The following PALM2AKAP2 variants were observed in gnomAD, a reference collection of about 807,000 sequenced individuals.
The protein encoded by PALM2AKAP2 is PALM2 and AKAP2 fusion, also known as PALM2-AKAP2 fusion protein.
PALM2AKAP2 carries 37 observed loss-of-function variants against 71.5 expected under a neutral mutation model. The observed-to-expected ratio is 0.52, with a 90% CI of 0.40 to 0.68. The LOEUF (loss-of-function observed/expected upper bound fraction) is 0.68, where lower values mean the gene tolerates loss of function less well. Ranked by LOEUF, PALM2AKAP2 falls within the 30% of genes least tolerant of loss-of-function variation. The probability of loss-of-function intolerance (pLI) is 0.00; values close to 1 mark genes in which losing one functional copy is unlikely to be tolerated. For missense variants in PALM2AKAP2, 1,224 were observed against 1,191.8 expected (o/e 1.03, Z -0.40); for synonymous variants, 468 against 478.8 (o/e 0.98, Z 0.29).
chr9:109,835,354 G>A (rs1828439718), intron 1 of PALM2AKAP2, among the ~76,000 whole-genome samples: 1 of 149,922 alleles, frequency 6.7e-6, no homozygotes, highest in South Asian at 2.2e-4. Flanking sequence ...AGGAAAGGGT[G>A]GAGGGATAGA....
chr9:109,951,074 G>T (rs1342835039), intron 6 of PALM2AKAP2, among the ~76,000 whole-genome samples: 1 of 152,224 alleles, frequency 6.6e-6, no homozygotes, highest in Non-Finnish European at 1.5e-5. Context: ...ATTCTTTCCT[G>T]CTCTCAAGCT....
upstream of PALM2AKAP2, among the ~76,000 whole-genome samples, chr9:110,046,955 T>C (rs1833610415): frequency 6.6e-6 from 1 of 152,172 alleles, no homozygotes; most frequent in Non-Finnish European, 1.5e-5. Context: ...ATAAGTGATA[T>C]CCAAGCACAC....
chr9:109,670,706 C>T lies in PALM2AKAP2; in HGVS notation c.5+29840C>T, dbSNP rs181917430. Among the ~76,000 whole-genome samples, 29 of 152,248 alleles carry T rather than the reference C, an allele frequency of 1.9e-4. No individual in the cohort carries two copies. In the East Asian group the frequency reaches 3.7e-3, roughly 19 times the overall value. On this transcript the variant is annotated intron_variant, in intron 1 of 6. Coordinates refer to the PALM2AKAP2 transcript ENST00000374531. ...TGAGGAATTGCCACACTGTCTTCCA[C>T]GATGGTTGAACTAATTTACACTTCC... is the stretch of plus-strand genomic sequence containing the variant.
At chr9:110,109,739 C>T (rs1425564126) in intron 1 of PALM2AKAP2, among the ~76,000 whole-genome samples, 1 of 152,020 alleles carries the variant, frequency 6.6e-6, no homozygotes, top group African/African-American at 2.4e-5. Context: ...AAAGGGCATG[C>T]CTATGTGGAG....
At chr9:110,104,057 T>C (rs1835059457) in intron 1 of PALM2AKAP2, among the ~76,000 whole-genome samples, 1 of 152,056 alleles carries the variant, frequency 6.6e-6, no homozygotes, top group Non-Finnish European at 1.5e-5. Context: ...GTGGAATCTA[T>C]TGAGTGCCCC....
intron 1 of PALM2AKAP2, among the ~76,000 whole-genome samples, chr9:110,088,098 A>T (rs1375704495): frequency 6.6e-6 from 1 of 152,214 alleles, no homozygotes; most frequent in Admixed American, 6.5e-5. Flanking sequence ...TGAAGCAACA[A>T]AAGCAGAGAT....
At chr9:109,929,365 G>C (rs867016126) in intron 5 of PALM2AKAP2, among the ~76,000 whole-genome samples, 10 of 151,924 alleles carry the variant, frequency 6.6e-5, no homozygotes, top group African/African-American at 1.7e-4. Context: ...ATCTGCTCTG[G>C]TCATCCCTTC....
At chr9:109,677,024 G>C (rs532915884) in intron 1 of PALM2AKAP2, among the ~76,000 whole-genome samples, 1 of 152,252 alleles carries the variant, frequency 6.6e-6, no homozygotes, top group East Asian at 1.9e-4. Context: ...GCCGAAATAA[G>C]GGTCACAAAA....
At chr9:110,008,029 G>A (rs1291639571) in intron 6 of PALM2AKAP2, among the ~76,000 whole-genome samples, 1 of 152,178 alleles carries the variant, frequency 6.6e-6, no homozygotes, top group East Asian at 1.9e-4. Context: ...TATGACTATA[G>A]TCAAATTAGG....
intron 3 of PALM2AKAP2, among the ~76,000 whole-genome samples, chr9:109,882,835 G>A (rs1000691754): frequency 1.3e-5 from 2 of 151,614 alleles, no homozygotes; most frequent in Admixed American, 6.6e-5. Context: ...TTTTGGTAGA[G>A]AAAGAGTCTC....
intron 2 of PALM2AKAP2, among the ~76,000 whole-genome samples, chr9:110,143,031 G>A (rs1459771030): frequency 2.0e-5 from 3 of 152,140 alleles, no homozygotes; most frequent in East Asian, 1.9e-4. Flanking sequence ...GAAGGCAGGC[G>A]CCATCTTGGT....
At chr9:109,845,765 A>T (rs1051620093) in intron 1 of PALM2AKAP2, among the ~76,000 whole-genome samples, 3 of 152,180 alleles carry the variant, frequency 2.0e-5, no homozygotes, top group African/African-American at 7.2e-5. Flanking sequence ...TATCCAGGCT[A>T]TTCTTGAACT....
chr9:110,058,146 T>G (rs984403236), intron 1 of PALM2AKAP2, among the ~76,000 whole-genome samples: 2 of 152,142 alleles, frequency 1.3e-5, no homozygotes, highest in Admixed American at 6.5e-5. Context: ...AGAATTCACA[T>G]CCTGTAGATA....
intron 2 of PALM2AKAP2, among the ~76,000 whole-genome samples, chr9:110,147,355 C>T (rs1836202155): frequency 6.6e-6 from 1 of 152,112 alleles, no homozygotes; most frequent in African/African-American, 2.4e-5. Flanking sequence ...CTGACTACCA[C>T]TTGCTAGCTT....
intron 2 of PALM2AKAP2, among the ~76,000 whole-genome samples, chr9:110,143,505 CTGT>C (rs1489687661): frequency 2.0e-5 from 3 of 151,422 alleles, no homozygotes; most frequent in Non-Finnish European, 2.9e-5. Context: ...TCACACAGTG[CTGT>C]AAAACACCCT....
At chr9:109,748,076 T>G (rs1828830442) in intron 1 of PALM2AKAP2, among the ~76,000 whole-genome samples, 1 of 152,262 alleles carries the variant, frequency 6.6e-6, no homozygotes, top group East Asian at 1.9e-4. Flanking sequence ...TTTATGCTCT[T>G]GGAAGCTGGT....
At chr9:109,691,897 TATATACAC>T (rs1827898998) in intron 1 of PALM2AKAP2, among the ~76,000 whole-genome samples, 1 of 61,574 alleles carries the variant, frequency 1.6e-5, no homozygotes, top group Non-Finnish European at 3.3e-5. Flanking sequence ...TATATATATA[TATATACAC>T]ACACACATAT....
Position 109,724,219 on chromosome 9 carries a change from A to C in PALM2AKAP2, c.6-56269A>C, listed in dbSNP as rs558289913. Among the ~76,000 whole-genome samples the C allele has an allele frequency of 2.3e-4, 35 of 152,320 alleles. No individual in the cohort carries two copies. The South Asian group carries it at 7.2e-3, about 32-fold the overall frequency. ...ACATCTTTAAAAACAATAAAACTTA[A>C]TAAAAGAATAAAAAGAAGAAGACTT... On this transcript the variant is annotated intron_variant, in intron 1 of 6. Transcript: ENST00000374531.
At position 110,035,371 on chromosome 9, in the gene PALM2AKAP2, TATAC is replaced by T. The variant is rs750118112; in HGVS notation, c.582+19336_582+19339del. Among the ~76,000 whole-genome samples the T allele has an allele frequency of 1.4e-3, 100 of 73,782 alleles. 1 individual carries two copies. The highest frequency in any genetic ancestry group is 6.1e-3 in the African/African-American group (76 of 12,376). The allele number at this position is 73,782 out of a possible 152,430, so 48.4% of individuals were successfully genotyped here. On this transcript the variant is annotated intron_variant, in intron 7 of 9. Transcript: ENST00000302798. The stretch of plus-strand genomic sequence containing the variant: ...TATATTATATGTATAATACATATTA[TATAC>T]ATATATTATATGTATAATACATATA...
Sources: gnomAD v4.1 joint callset for allele counts (sites outside exome capture counted in the v4.1 genomes callset) on GRCh38, gnomAD v4.1.1 for gene constraint, MANE v1.5 for transcripts, NCBI Gene and HGNC (gene_info 2026-07-23, HGNC 2026-07-21) for gene names.